Variants in CAMTA1 observed in about 807,000 individuals in gnomAD.
CAMTA1 encodes the protein calmodulin binding transcription activator 1.
Under a neutral mutation model 170.9 loss-of-function variants are expected in CAMTA1, and 27 were observed. The observed-to-expected ratio is 0.16, with a 90% CI of 0.12 to 0.22. The LOEUF is 0.22. CAMTA1 is among the 10% of genes least tolerant of loss of function. CAMTA1 has a pLI of 1.00. For synonymous variants in CAMTA1, 833 were observed against 891.5 expected (o/e 0.93, Z 1.17); for missense variants, 1,619 against 2,217.2 (o/e 0.73, Z 5.42).
intron 6 of CAMTA1, among the ~76,000 whole-genome samples, chr1:7,608,117 C>G (rs1345152216): frequency 6.6e-6 from 1 of 152,234 alleles, no homozygotes; most frequent in African/African-American, 2.4e-5. Flanking sequence ...GCTAGTGCAG[C>G]TGCTGACCCA....
At chr1:7,537,196 A>G (rs976110038) in intron 6 of CAMTA1, among the ~76,000 whole-genome samples, 25 of 152,154 alleles carry the variant, frequency 1.6e-4, no homozygotes, top group Non-Finnish European at 3.2e-4. Context: ...CCCACGGTTT[A>G]TGGGGCGAAG....
chr1:7,620,232 A>AT (rs2095588435), intron 6 of CAMTA1, among the ~76,000 whole-genome samples: 1 of 152,144 alleles, frequency 6.6e-6, no homozygotes. Flanking sequence ...TCTGAAGACA[A>AT]TTTTTTGTCA....
intron 3 of CAMTA1, among the ~76,000 whole-genome samples, chr1:6,876,645 G>C (rs191353154): frequency 5.2e-4 from 79 of 152,334 alleles, no homozygotes; most frequent in Admixed American, 2.7e-3. Context: ...TTACCGTGGT[G>C]AGCTGCTGCG....
chr1:7,206,984 G>A (rs1657859814), intron 4 of CAMTA1, among the ~76,000 whole-genome samples: 1 of 152,212 alleles, frequency 6.6e-6, no homozygotes, highest in African/African-American at 2.4e-5. Flanking sequence ...GCTGCTGGTA[G>A]GAGTTGAGAA....
chr1:7,116,980 T>A (rs1002216715), intron 4 of CAMTA1, among the ~76,000 whole-genome samples: 2 of 150,810 alleles, frequency 1.3e-5, no homozygotes, highest in Non-Finnish European at 3.0e-5. Flanking sequence ...ATAACTACTT[T>A]TTTTTTTGAC....
At chr1:6,828,890 G>GTTTT (rs1026284603) in intron 3 of CAMTA1, among the ~76,000 whole-genome samples, 14 of 102,006 alleles carry the variant, frequency 1.4e-4, no homozygotes, top group African/African-American at 1.6e-4. Flanking sequence ...CTGTAACGTA[G>GTTTT]TTTTTTTTTT....
chr1:7,177,429 C>T (rs1276212525), intron 4 of CAMTA1, among the ~76,000 whole-genome samples: 2 of 146,586 alleles, frequency 1.4e-5, no homozygotes, highest in Middle Eastern at 3.8e-3. Flanking sequence ...TTCTCACACA[C>T]ACAAGTCCCA....
intron 4 of CAMTA1, among the ~76,000 whole-genome samples, chr1:7,109,911 C>T (rs755343615): frequency 2.0e-5 from 3 of 152,162 alleles, no homozygotes; most frequent in Non-Finnish European, 4.4e-5. Context: ...ATTAGCTTGA[C>T]CTGATGGGGT....
At chr1:7,122,616 T>TGTTGAG (rs1248198842) in intron 4 of CAMTA1, among the ~76,000 whole-genome samples, 18 of 152,152 alleles carry the variant, frequency 1.2e-4, no homozygotes, top group Admixed American at 1.2e-3. Flanking sequence ...GCTTATTTCC[T>TGTTGAG]AGCCAAGTCA....
chr1:7,725,502 GCT>G (rs1326984463), intron 11 of CAMTA1, among the ~76,000 whole-genome samples: 1 of 152,232 alleles, frequency 6.6e-6, no homozygotes, highest in Non-Finnish European at 1.5e-5. Context: ...ACTGCGGATG[GCT>G]CTGGCATGGT....
chr1:7,353,267 T>C (rs950991479), intron 5 of CAMTA1, among the ~76,000 whole-genome samples: 1 of 152,124 alleles, frequency 6.6e-6, no homozygotes, highest in Admixed American at 6.5e-5. Flanking sequence ...CCAAATGCTG[T>C]CTCTATACAG....
At chr1:7,494,151 CAAAA>C (rs201225081) in intron 6 of CAMTA1, among the ~76,000 whole-genome samples, 2 of 113,302 alleles carry the variant, frequency 1.8e-5, no homozygotes, top group Admixed American at 1.9e-4. Context: ...ATCTGCTGTT[CAAAA>C]AAAAAAAAAA....
In CAMTA1 at chr1:7,522,704, G is replaced by A. The variant is rs139502341; in HGVS notation, c.510+54803G>A. On this transcript the variant is annotated intron_variant, in intron 6 of 22. Transcript: ENST00000303635. ...TTTTGTTTCTGGGGTTTGGTTTTTT[G>A]TGTTTTGTTTTGGTTTTGGCCTGTG... 6.5e-3 allele frequency among the ~76,000 whole-genome samples: 991 copies of A among 152,304 alleles called. 13 individuals are homozygous for A. Among genetic ancestry groups the A allele is most frequent in the African/African-American group, 0.023 (952 of 41,564 alleles).
At chr1:7,070,348 A>G (rs747427542) in intron 3 of CAMTA1, among the ~76,000 whole-genome samples, 4 of 152,202 alleles carry the variant, frequency 2.6e-5, no homozygotes, top group Non-Finnish European at 4.4e-5. Flanking sequence ...ATCTGGGTTT[A>G]TTTCAGCTTG....
At chr1:7,704,416 G>T (rs1168288642) in intron 11 of CAMTA1, among the ~76,000 whole-genome samples, 2 of 146,130 alleles carry the variant, frequency 1.4e-5, no homozygotes, top group Non-Finnish European at 3.0e-5. Context: ...GGGCCGCGCT[G>T]AGCCGGGCGG....
chr1:7,023,979 A>G (rs535469125), intron 3 of CAMTA1, among the ~76,000 whole-genome samples: 1 of 150,484 alleles, frequency 6.6e-6, no homozygotes, highest in South Asian at 2.1e-4. Context: ...CAGTGAGCCA[A>G]GATTGCGCCA....
intron 4 of CAMTA1, among the ~76,000 whole-genome samples, chr1:7,229,443 GGT>G (rs1662291346): frequency 8.8e-6 from 1 of 113,910 alleles, no homozygotes; most frequent in Non-Finnish European, 1.9e-5. Context: ...GGAGGAGGGG[GGT>G]GTGAAGGGGA....
intron 6 of CAMTA1, among the ~76,000 whole-genome samples, chr1:7,549,882 T>TG (rs1330136315): frequency 6.6e-6 from 1 of 152,092 alleles, no homozygotes; most frequent in Non-Finnish European, 1.5e-5. Context: ...GGCTTGGCCC[T>TG]GGGGGCTCAG....
chr1:7,533,243 C>T (rs762066032), intron 6 of CAMTA1, among the ~76,000 whole-genome samples: 15 of 152,158 alleles, frequency 9.9e-5, no homozygotes, highest in African/African-American at 3.6e-4. Flanking sequence ...CCTTCCCTGC[C>T]GGGCTCCACT....
Sources: allele counts gnomAD v4.1 joint callset (sites outside exome capture counted in the v4.1 genomes callset), GRCh38; gene constraint gnomAD v4.1.1; transcripts MANE v1.5; gene names NCBI Gene and HGNC (gene_info 2026-07-23, HGNC 2026-07-21).